The following PCDHA11 variants were observed in gnomAD, a reference collection of about 807,000 sequenced individuals.
PCDHA11 encodes the protein protocadherin alpha-11.
PCDHA11 carries 61 observed loss-of-function variants against 70.3 expected under a neutral mutation model. The ratio of observed to expected loss-of-function variants is 0.87; its 90% CI spans 0.71 to 1.07. The LOEUF (loss-of-function observed/expected upper bound fraction) is 1.07, where lower values mean the gene tolerates loss of function less well. Ranked by LOEUF, PCDHA11 falls within the 50% of genes least tolerant of loss-of-function variation. The pLI is 0.00. For synonymous variants in PCDHA11, 633 were observed against 555.1 expected (o/e 1.14, Z -1.97); for missense variants, 1,324 against 1,237.5 (o/e 1.07, Z -1.05).
intron 1 of PCDHA11, chr5:140,884,619 A>G (rs782146160): frequency 3.1e-6 from 5 of 1,614,074 alleles, no homozygotes; most frequent in Non-Finnish European, 4.2e-6. Context: ...GGTTCTGCAG[A>G]GGGAACAGGC....
At chr5:140,994,081 G>A (rs147535219) in intron 3 of PCDHA11, among the ~76,000 whole-genome samples, 2 of 152,260 alleles carry the variant, frequency 1.3e-5, no homozygotes, top group Admixed American at 6.5e-5. Flanking sequence ...AGGGAGAAAT[G>A]TAAAGAAATA....
At chr5:140,980,189 A>T (rs2096879459) in intron 2 of PCDHA11, among the ~76,000 whole-genome samples, 1 of 152,226 alleles carries the variant, frequency 6.6e-6, no homozygotes, top group African/African-American at 2.4e-5. Context: ...CTTTATATTT[A>T]TTAGAGACCA....
At chr5:140,947,451 A>G (rs2094135983) in intron 1 of PCDHA11, among the ~76,000 whole-genome samples, 1 of 151,658 alleles carries the variant, frequency 6.6e-6, no homozygotes, top group Non-Finnish European at 1.5e-5. Context: ...GAAATCCTCC[A>G]ACCTTGTTCT....
chr5:140,871,120 C>G lies in PCDHA11; in HGVS notation c.2017C>G (p.Gln673Glu), dbSNP rs1554165154. Residue 673 changes from glutamine to glutamate, a missense_variant, in exon 1 of 4, where the codon CAG becomes GAG. Physicochemically the swap from Gln to Glu is conservative, Grantham distance 29. Coordinates refer to ENST00000398640, the MANE Select transcript of PCDHA11 (RefSeq NM_018902.5). ...GCTGGTGTCGTTGGTGGAGAGCGGA[C>G]AGGCGCCAAAGGCCTCTTCCCGGAC... ...TVLVSLVESG[Q>E]APKASSRTLA... 6.2e-7 allele frequency: 1 copy of G among 1,613,342 alleles called. No individual in the cohort carries two copies. The highest frequency in any genetic ancestry group is 8.5e-7 in the Non-Finnish European group (1 of 1,179,894).
intron 1 of PCDHA11, chr5:140,928,607 G>T: frequency 1.2e-6 from 2 of 1,614,188 alleles, no homozygotes; most frequent in Non-Finnish European, 1.7e-6. Context: ...ATTGTGCCCC[G>T]CTCTGCCAGG....
At chr5:140,988,600 T>C (rs962869761) in intron 3 of PCDHA11, among the ~76,000 whole-genome samples, 15 of 152,214 alleles carry the variant, frequency 9.9e-5, no homozygotes, top group Non-Finnish European at 1.8e-4. Context: ...AATGGTCATG[T>C]AAATAAAAGA....
intron 1 of PCDHA11, among the ~76,000 whole-genome samples, chr5:140,946,631 T>TATATATATATATATATATACACAC (rs57893927): frequency 7.6e-6 from 1 of 131,846 alleles, no homozygotes; most frequent in South Asian, 2.2e-4. Context: ...TATATATATA[T>TATATATATATATATATATACACAC]ACAATGGAAT....
At chr5:140,925,689 G>C (rs1341368297) in intron 1 of PCDHA11, among the ~76,000 whole-genome samples, 1 of 147,806 alleles carries the variant, frequency 6.8e-6, no homozygotes, top group Non-Finnish European at 1.5e-5. Flanking sequence ...AGCGAGGGTG[G>C]GTATCTAGCC....
intron 3 of PCDHA11, among the ~76,000 whole-genome samples, chr5:140,993,609 T>C (rs1554253871): frequency 6.6e-6 from 1 of 152,078 alleles, no homozygotes; most frequent in African/African-American, 2.4e-5. Flanking sequence ...GAGAATTTTG[T>C]TGGGACCCTC....
chr5:140,982,447 C>T (rs782801484), intron 2 of PCDHA11, 28 bp from the exon 3 acceptor site: 5 of 1,613,664 alleles, frequency 3.1e-6, no homozygotes, highest in Admixed American at 3.3e-5. Flanking sequence ...ATGATCTAAC[C>T]GTTATCTGGG....
Position 140,978,964 on chromosome 5 carries a change from C to G in PCDHA11, c.2407C>G (p.Pro803Ala). ...GATTTTGCAGCCACGACAGCCCAAC[C>G]CTGACTGGCGTTACTCTGCCTCCCT... ...NHPGQPRQPN[P>A]DWRYSASLRA... is the part of the protein sequence containing the mutation. The change falls in exon 2 of 4, where the codon CCT becomes GCT. Residue 803 changes from proline to alanine, a missense_variant. Transcript: ENST00000398640. 3 of 1,614,122 alleles carry G rather than the reference C, an allele frequency of 1.9e-6. No homozygotes were observed. The highest frequency in any genetic ancestry group is 2.5e-6 in the Non-Finnish European group (3 of 1,180,010).
At chr5:140,884,344 G>C in intron 1 of PCDHA11, 1 of 1,613,904 alleles carries the variant, frequency 6.2e-7, no homozygotes, top group Non-Finnish European at 8.5e-7. Context: ...CAGAAGCGGC[G>C]CTGGTGGATG....
intron 1 of PCDHA11, among the ~76,000 whole-genome samples, chr5:140,941,255 C>CTTTCTTTCTCTT (rs782490896): frequency 9.0e-5 from 4 of 44,506 alleles, no homozygotes; most frequent in Non-Finnish European, 1.5e-4. Flanking sequence ...TTCTTTCTTT[C>CTTTCTTTCTCTT]TCTTTCTTTC....
chr5:140,896,228 G>C (rs567886194), intron 1 of PCDHA11, among the ~76,000 whole-genome samples: 1 of 152,298 alleles, frequency 6.6e-6, no homozygotes, highest in South Asian at 2.1e-4. Context: ...CTTTATAGTA[G>C]AATGACTTAT....
At chr5:140,921,301 C>T (rs1227923324) in intron 1 of PCDHA11, among the ~76,000 whole-genome samples, 1 of 151,954 alleles carries the variant, frequency 6.6e-6, no homozygotes. Flanking sequence ...TTGCTGAATG[C>T]CATTGTATTA....
At chr5:140,969,608 CAG>C in intron 1 of PCDHA11, 1 of 747,330 alleles carries the variant, frequency 1.3e-6, no homozygotes, top group South Asian at 2.1e-5. Flanking sequence ...TGCTAAAACA[CAG>C]ATTTGTAGAG....
intron 2 of PCDHA11, among the ~76,000 whole-genome samples, chr5:140,979,396 G>C (rs2096848299): frequency 6.6e-6 from 1 of 151,692 alleles, no homozygotes; most frequent in South Asian, 2.1e-4. Flanking sequence ...ATACATACAT[G>C]TTGTCTACCT....
chr5:140,946,766 G>A (rs1554217856), intron 1 of PCDHA11, among the ~76,000 whole-genome samples: 1 of 151,394 alleles, frequency 6.6e-6, no homozygotes, highest in South Asian at 2.1e-4. Flanking sequence ...TCTCATTCAT[G>A]TGGAATGTAA....
In PCDHA11 at chr5:140,938,797, G is replaced by T. The variant is rs76361474; in HGVS notation, c.2392-40152G>T. On this transcript the variant is annotated intron_variant, in intron 1 of 3. Coordinates refer to ENST00000398640, the MANE Select transcript of PCDHA11 (RefSeq NM_018902.5). Reference sequence around the variant, plus strand: ...TTAGTACCTGAATGATGAAATAATCGGTACCACAAACCCCTGTGACATGAG... The same window carrying T: ...TTAGTACCTGAATGATGAAATAATCTGTACCACAAACCCCTGTGACATGAG... Among the ~76,000 whole-genome samples, 827 of 152,042 alleles carry T rather than the reference G, an allele frequency of 5.4e-3. 3 individuals carry two copies. Among genetic ancestry groups the T allele is most frequent in the African/African-American group, 0.019 (796 of 41,444 alleles).
Sources: gnomAD v4.1 joint callset for allele counts (sites outside exome capture counted in the v4.1 genomes callset) on GRCh38, gnomAD v4.1.1 for gene constraint, MANE v1.5 for transcripts, NCBI Gene and HGNC (gene_info 2026-07-23, HGNC 2026-07-21) for gene names.